Variants in GNAQ observed in about 807,000 individuals in gnomAD.
GNAQ encodes the protein G protein subunit alpha q.
A neutral mutation model predicts 43.9 loss-of-function variants in GNAQ; 8 were observed. The observed-to-expected ratio is 0.18, with a 90% CI of 0.11 to 0.33. GNAQ has a LOEUF of 0.33. Ranked by LOEUF, GNAQ falls within the 10% of genes least tolerant of loss-of-function variation. GNAQ has a pLI of 1.00. For missense variants in GNAQ, 158 were observed against 450.8 expected (o/e 0.35, Z 5.88); for synonymous variants, 155 against 170.7 (o/e 0.91, Z 0.71).
intron 5 of GNAQ, among the ~76,000 whole-genome samples, chr9:77,772,080 C>T (rs932268625): frequency 3.3e-5 from 5 of 152,092 alleles, no homozygotes; most frequent in Admixed American, 6.5e-5. Context: ...AATTGAAGAG[C>T]ACTGTACGGT....
intron 2 of GNAQ, among the ~76,000 whole-genome samples, chr9:77,855,114 C>T (rs1827731759): frequency 6.6e-6 from 1 of 152,104 alleles, no homozygotes; most frequent in Non-Finnish European, 1.5e-5. Flanking sequence ...AAAGAAATTG[C>T]ACTACCTTGC....
At chr9:77,759,504 A>T (rs1483703295) in intron 5 of GNAQ, among the ~76,000 whole-genome samples, 2 of 152,158 alleles carry the variant, frequency 1.3e-5, no homozygotes, top group African/African-American at 2.4e-5. Context: ...GAAACACTTA[A>T]AAACCAATGT....
intron 3 of GNAQ, among the ~76,000 whole-genome samples, chr9:77,798,674 T>A (rs997593435): frequency 6.6e-6 from 1 of 152,186 alleles, no homozygotes; most frequent in Non-Finnish European, 1.5e-5. Flanking sequence ...CATAGTCCTC[T>A]CCTATAGTTT....
chr9:77,867,325 A>G (rs1388469060), intron 2 of GNAQ, among the ~76,000 whole-genome samples: 3 of 152,182 alleles, frequency 2.0e-5, no homozygotes, highest in African/African-American at 7.2e-5. Context: ...CCTGGACCAG[A>G]TCCCCAAATT....
intron 5 of GNAQ, among the ~76,000 whole-genome samples, chr9:77,739,375 G>T (rs1253344783): frequency 6.6e-6 from 1 of 152,104 alleles, no homozygotes; most frequent in African/African-American, 2.4e-5. Context: ...AAATCAGTCT[G>T]CTCAGGTTTT....
intron 1 of GNAQ, among the ~76,000 whole-genome samples, chr9:78,011,603 A>G (rs1228924727): frequency 3.3e-5 from 5 of 152,250 alleles, no homozygotes; most frequent in Non-Finnish European, 7.3e-5. Context: ...GAAAGGAAAT[A>G]AGGAGAAAAA....
In GNAQ at chr9:77,839,360, A is replaced by C. The variant is rs552945222; in HGVS notation, c.322-23590T>G. 2.6e-5 allele frequency among the ~76,000 whole-genome samples: 4 copies of C among 152,366 alleles called. No individual in the cohort carries two copies. In the East Asian group the frequency reaches 7.7e-4, roughly 29 times the overall value. ...AGATAATTAAAGTAGGGTTGATATG[A>C]CAATTTCCACTATCCATAAATCATT... On this transcript the variant is annotated intron_variant, in intron 2 of 6. Transcript: ENST00000286548.
At chr9:78,024,736 G>A (rs999492273) in intron 1 of GNAQ, among the ~76,000 whole-genome samples, 10 of 152,068 alleles carry the variant, frequency 6.6e-5, no homozygotes, top group Non-Finnish European at 1.3e-4. Flanking sequence ...AAGACATAAG[G>A]AGCATCTCAC....
In GNAQ at chr9:77,720,157, G is replaced by C. The variant is rs1825288397; in HGVS notation, c.*1166C>G. The C allele has an allele frequency of 4.3e-6, 1 of 233,088 alleles. No homozygotes were observed. Among genetic ancestry groups the C allele is most frequent in the African/African-American group, 2.2e-5 (1 of 45,312 alleles). The allele number at this position is 233,088 out of a possible 1,614,324, so 14.4% of individuals were successfully genotyped here. On this transcript the variant is annotated 3_prime_UTR_variant, in exon 7 of 7. Coordinates refer to ENST00000286548, the MANE Select transcript of GNAQ (RefSeq NM_002072.5). ...CATCTTAAGGACAAAGAAAAGAATGGACCGTGAGAATCAAATTTCTAGTTA... is the reference window on the plus strand; with the variant it reads ...CATCTTAAGGACAAAGAAAAGAATGCACCGTGAGAATCAAATTTCTAGTTA...
At chr9:77,726,233 G>C (rs558202614) in intron 6 of GNAQ, among the ~76,000 whole-genome samples, 5 of 152,292 alleles carry the variant, frequency 3.3e-5, no homozygotes, top group South Asian at 4.1e-4. Flanking sequence ...AGGAGTGAAA[G>C]AGAAAACACT....
intron 3 of GNAQ, among the ~76,000 whole-genome samples, chr9:77,805,725 A>G (rs947483087): frequency 6.6e-6 from 1 of 152,064 alleles, no homozygotes; most frequent in Non-Finnish European, 1.5e-5. Context: ...TTTTAATACA[A>G]AGTGGCAGGT....
At chr9:77,761,329 T>G (rs1384139295) in intron 5 of GNAQ, among the ~76,000 whole-genome samples, 33 of 94,832 alleles carry the variant, frequency 3.5e-4, no homozygotes, top group African/African-American at 4.7e-4. Context: ...AGGTGGGGGG[T>G]CAGCCCCCCG....
chr9:77,914,434 G>A lies in GNAQ; in HGVS notation c.321+7727C>T, dbSNP rs945246091. Among the ~76,000 whole-genome samples, 4 of 152,084 alleles carry A rather than the reference G, an allele frequency of 2.6e-5. No individual in the cohort carries two copies. In the South Asian group the frequency reaches 6.2e-4, roughly 24 times the overall value. On this transcript the variant is annotated intron_variant, in intron 2 of 6. Coordinates refer to ENST00000286548, the MANE Select transcript of GNAQ (RefSeq NM_002072.5). ...AGCACTTTGGGAGGCCGAGGCGGGCGGACCACCTGAGGTTGGGAGTTTGAG... is the reference window on the plus strand; with the variant it reads ...AGCACTTTGGGAGGCCGAGGCGGGCAGACCACCTGAGGTTGGGAGTTTGAG...
Position 77,981,485 on chromosome 9 carries a change from G to A in GNAQ, c.136+49615C>T, listed in dbSNP as rs1050749433. ...TCATGCAGAAGGTGTGGAAGGCCAC[G>A]GCACAGCAGGGCAAGTCAGAGCAAG... is the stretch of plus-strand genomic sequence containing the variant. On this transcript the variant is annotated intron_variant, in intron 1 of 6. Transcript: ENST00000286548. 3.9e-5 allele frequency among the ~76,000 whole-genome samples: 6 copies of A among 152,170 alleles called. No individual in the cohort carries two copies. In the South Asian group the frequency reaches 6.2e-4, roughly 16 times the overall value.
chr9:77,963,724 T>C (rs1002721913), intron 1 of GNAQ, among the ~76,000 whole-genome samples: 28 of 152,096 alleles, frequency 1.8e-4, no homozygotes, highest in African/African-American at 6.8e-4. Context: ...TTGAGAAAGT[T>C]AGTCAAAACT....
intron 1 of GNAQ, chr9:78,030,553 C>T (rs1325655474): frequency 2.1e-6 from 1 of 471,134 alleles, no homozygotes; most frequent in East Asian, 7.0e-5. Context: ...GTCTGCCCAC[C>T]GTTCCCCCAT....
chr9:77,794,541 G>A lies in GNAQ; in HGVS notation c.657C>T (p.Cys219=), dbSNP rs764918571. The A allele has an allele frequency of 4.0e-5, 64 of 1,606,912 alleles. 1 individual carries two copies. The highest frequency in any genetic ancestry group is 1.7e-6 in the Non-Finnish European group (2 of 1,174,072). ...ACATGATAGAGGTGACATTTTCAAA[G>A]CAGTGTATCCATTTTCTTCTCTCTG... ...QRSERRKWIH[C]FENVTSIMFL... The change falls in exon 5 of 7, where the codon TGC becomes TGT. Residue 219 remains cysteine, a synonymous_variant. Transcript: ENST00000286548.
chr9:77,917,349 G>T (rs1317921525), intron 2 of GNAQ, among the ~76,000 whole-genome samples: 1 of 151,868 alleles, frequency 6.6e-6, no homozygotes, highest in Non-Finnish European at 1.5e-5. Flanking sequence ...AAAGCACATC[G>T]GTATAAAGAG....
intron 1 of GNAQ, among the ~76,000 whole-genome samples, chr9:77,963,624 A>G (rs1039773422): frequency 6.6e-6 from 1 of 152,210 alleles, no homozygotes; most frequent in Non-Finnish European, 1.5e-5. Flanking sequence ...AAAGGTCATG[A>G]CAAAAGGTTT....
Sources: allele counts gnomAD v4.1 joint callset (sites outside exome capture counted in the v4.1 genomes callset), GRCh38; gene constraint gnomAD v4.1.1; transcripts MANE v1.5; gene names NCBI Gene and HGNC (gene_info 2026-07-23, HGNC 2026-07-21).